The following DLGAP1 variants were observed in gnomAD, a reference collection of about 807,000 sequenced individuals.
The protein encoded by DLGAP1 is disks large-associated protein 1.
Under a neutral mutation model 90.8 loss-of-function variants are expected in DLGAP1, and 11 were observed. That is an observed-to-expected ratio of 0.12 (90% CI 0.08 to 0.20). The LOEUF (loss-of-function observed/expected upper bound fraction) is 0.20. DLGAP1 is among the 10% of genes least tolerant of loss of function. The probability of loss-of-function intolerance (pLI) is 1.00; values close to 1 mark genes in which losing one functional copy is unlikely to be tolerated. For synonymous variants in DLGAP1, 558 were observed against 540.7 expected (o/e 1.03, Z -0.44); for missense variants, 1,050 against 1,333.8 (o/e 0.79, Z 3.31).
intron 2 of DLGAP1, among the ~76,000 whole-genome samples, chr18:4,028,941 T>C (rs1302265609): frequency 6.6e-6 from 1 of 152,198 alleles, no homozygotes; most frequent in Non-Finnish European, 1.5e-5. Context: ...ATAGTCCCCA[T>C]GTTGGACACT....
chr18:3,978,225 C>T (rs1021351081), intron 3 of DLGAP1: 22 of 427,512 alleles, frequency 5.1e-5, no homozygotes, highest in Admixed American at 2.5e-4. Flanking sequence ...TACTTCTCAT[C>T]GTTCATGCCC....
chr18:4,135,724 GC>G (rs1424472289), intron 2 of DLGAP1, among the ~76,000 whole-genome samples: 1 of 149,530 alleles, frequency 6.7e-6, no homozygotes, highest in Non-Finnish European at 1.5e-5. Flanking sequence ...TCTGTGCTTG[GC>G]TTATTTCACT....
intron 9 of DLGAP1, among the ~76,000 whole-genome samples, chr18:3,557,062 T>C (rs1363568458): frequency 6.6e-6 from 1 of 152,252 alleles, no homozygotes; most frequent in Non-Finnish European, 1.5e-5. Context: ...TTTATTTATT[T>C]CTTTTATTGT....
At chr18:4,182,861 G>A (rs1448020424) in intron 1 of DLGAP1, among the ~76,000 whole-genome samples, 1 of 152,164 alleles carries the variant, frequency 6.6e-6, no homozygotes, top group African/African-American at 2.4e-5. Flanking sequence ...TAATGAAGCT[G>A]TTGTCTGTCA....
intron 4 of DLGAP1, among the ~76,000 whole-genome samples, chr18:3,869,622 T>C (rs980742774): frequency 8.5e-5 from 13 of 152,354 alleles, no homozygotes; most frequent in Admixed American, 7.8e-4. Context: ...TTTCTGCGTT[T>C]AGTCGGCACA....
intron 1 of DLGAP1, among the ~76,000 whole-genome samples, chr18:4,354,803 C>A (rs1405534581): frequency 7.4e-6 from 1 of 134,684 alleles, no homozygotes; most frequent in East Asian, 2.4e-4. Flanking sequence ...TAAATATGGG[C>A]TGGATTTTTA....
rs188590605 is a variant in DLGAP1 at position 4,435,493 on chromosome 18, G to A, written c.-267+19513C>T. Among the ~76,000 whole-genome samples, 722 of 152,184 alleles carry A rather than the reference G, an allele frequency of 4.7e-3. 2 individuals are homozygous for A. Among genetic ancestry groups the A allele is most frequent in the Non-Finnish European group, 8.2e-3 (560 of 68,010 alleles). On this transcript the variant is annotated intron_variant, in intron 1 of 12. Transcript: ENST00000315677. ...GAATTGCAGAAAACAATATAGAAGG[G>A]GGAAGAGAGGGGAAACGGAAATAGA...
chr18:3,568,418 C>A lies in DLGAP1; in HGVS notation c.1966-837G>T, dbSNP rs572960029. On this transcript the variant is annotated intron_variant, in intron 8 of 12. Coordinates refer to ENST00000315677, the MANE Select transcript of DLGAP1 (RefSeq NM_004746.4). Reference sequence around the variant, plus strand: ...ATATTACAGCTATATAGAAAATATACCATATAGAACTAATAACCTATGCAA... The same window carrying A: ...ATATTACAGCTATATAGAAAATATAACATATAGAACTAATAACCTATGCAA... Among the ~76,000 whole-genome samples, 11 of 152,066 alleles carry A rather than the reference C, an allele frequency of 7.2e-5. No individual in the cohort carries two copies. The South Asian group carries it at 2.3e-3, about 32-fold the overall frequency.
At chr18:4,444,469 T>C (rs1448090576) in intron 1 of DLGAP1, among the ~76,000 whole-genome samples, 1 of 152,204 alleles carries the variant, frequency 6.6e-6, no homozygotes, top group Non-Finnish European at 1.5e-5. Context: ...CTACTCATTA[T>C]AGGAACAGCA....
intron 1 of DLGAP1, among the ~76,000 whole-genome samples, chr18:4,357,643 C>T (rs2081550509): frequency 6.6e-6 from 1 of 152,190 alleles, no homozygotes; most frequent in East Asian, 1.9e-4. Context: ...AGCCTACCTC[C>T]TGAGAATTCT....
intron 2 of DLGAP1, among the ~76,000 whole-genome samples, chr18:4,067,302 G>A (rs991034005): frequency 2.0e-5 from 3 of 151,626 alleles, no homozygotes; most frequent in Non-Finnish European, 4.4e-5. Flanking sequence ...TGTAACAAAT[G>A]GGCACTTGTA....
chr18:4,360,023 C>A (rs888598258), intron 1 of DLGAP1, among the ~76,000 whole-genome samples: 3 of 152,072 alleles, frequency 2.0e-5, no homozygotes, highest in African/African-American at 7.2e-5. Flanking sequence ...GTGACTTATC[C>A]AAGTGTGGTT....
At chr18:4,176,290 C>A (rs1439457556) in intron 1 of DLGAP1, among the ~76,000 whole-genome samples, 1 of 152,192 alleles carries the variant, frequency 6.6e-6, no homozygotes, top group Non-Finnish European at 1.5e-5. Flanking sequence ...AAGTGAATGA[C>A]TTCCAAATCT....
chr18:4,092,133 C>T (rs1374431286), intron 2 of DLGAP1, among the ~76,000 whole-genome samples: 1 of 152,056 alleles, frequency 6.6e-6, no homozygotes, highest in Non-Finnish European at 1.5e-5. Context: ...CTAGTGCTAC[C>T]TTGTGTGTAG....
chr18:4,375,909 T>C (rs558184959), intron 1 of DLGAP1, among the ~76,000 whole-genome samples: 116 of 152,270 alleles, frequency 7.6e-4, no homozygotes, highest in African/African-American at 2.7e-3. Context: ...GCAAAACAAC[T>C]GTTTTTCTCT....
At chr18:3,834,836 T>G (rs1000525290) in intron 4 of DLGAP1, among the ~76,000 whole-genome samples, 2 of 152,220 alleles carry the variant, frequency 1.3e-5, no homozygotes, top group African/African-American at 4.8e-5. Flanking sequence ...GAACCCCAAA[T>G]GTACGACCAC....
intron 5 of DLGAP1, among the ~76,000 whole-genome samples, chr18:3,751,759 T>TTC (rs2063503679): frequency 6.6e-6 from 1 of 151,840 alleles, no homozygotes; most frequent in African/African-American, 2.4e-5. Context: ...GAGACAGGGT[T>TTC]TCACCATATT....
chr18:3,789,544 C>T (rs4798131), intron 5 of DLGAP1, among the ~76,000 whole-genome samples: 68,405 of 151,904 alleles, frequency 0.45, 16,520 homozygotes, highest in Non-Finnish European at 0.55. Context: ...CAAGGCAGGA[C>T]CATAGGGTGT....
At chr18:3,742,590 T>C in intron 5 of DLGAP1, 78 bp from the exon 6 acceptor site, 1 of 1,515,460 alleles carries the variant, frequency 6.6e-7, no homozygotes. Context: ...ACTATTGTCA[T>C]TTATGTAGCA....
Sources: allele counts gnomAD v4.1 joint callset (sites outside exome capture counted in the v4.1 genomes callset), GRCh38; gene constraint gnomAD v4.1.1; transcripts MANE v1.5; gene names NCBI Gene and HGNC (gene_info 2026-07-23, HGNC 2026-07-21).